The following CKMT2 variants were observed in gnomAD, a reference collection of about 807,000 sequenced individuals.
The protein encoded by CKMT2 is creatine kinase S-type, mitochondrial.
Under a neutral mutation model 48.9 loss-of-function variants are expected in CKMT2, and 43 were observed. The ratio of observed to expected loss-of-function variants is 0.88; its 90% CI spans 0.69 to 1.13. The LOEUF (loss-of-function observed/expected upper bound fraction) is 1.13, where lower values mean the gene tolerates loss of function less well. Ranked by LOEUF, CKMT2 falls within the 50% of genes most tolerant of loss-of-function variation. The pLI, the probability that CKMT2 is intolerant of heterozygous loss-of-function variation, is 0.00. For missense variants in CKMT2, 472 were observed against 555.4 expected, an observed-to-expected ratio of 0.85 and a Z score of 1.51; for synonymous variants, 206 against 213.0, an observed-to-expected ratio of 0.97 and a Z score of 0.29.
At chr5:81,245,645 G>C (rs1283958508) in intron 1 of CKMT2, among the ~76,000 whole-genome samples, 1 of 152,156 alleles carries the variant, frequency 6.6e-6, no homozygotes, top group Non-Finnish European at 1.5e-5. Flanking sequence ...GCAGAAATGG[G>C]GCCTGATGGC....
chr5:81,251,084 C>G (rs2112802666), intron 1 of CKMT2, 29 bp from the exon 2 acceptor site: 2 of 1,594,408 alleles, frequency 1.3e-6, no homozygotes, highest in South Asian at 2.2e-5. Context: ...TCCTATGAAG[C>G]TATCTAATCC....
intron 6 of CKMT2, among the ~76,000 whole-genome samples, chr5:81,257,387 C>T (rs540374114): frequency 2.3e-4 from 35 of 152,128 alleles, no homozygotes; most frequent in African/African-American, 8.4e-4. Flanking sequence ...TTTTAGAGCA[C>T]AAGATTTTGG....
chr5:81,235,273 C>T (rs148635972), intron 1 of CKMT2, among the ~76,000 whole-genome samples: 1 of 152,116 alleles, frequency 6.6e-6, no homozygotes, highest in African/African-American at 2.4e-5. Context: ...AGGTTGGCTG[C>T]GTACTAAGTG....
chr5:81,251,130 A>G lies in CKMT2; in HGVS notation c.-3A>G. ...CTTTCCAGACACTCATCCAAGAGGA[A>G]GGATGGCCAGTATCTTTTCTAAGTT... On this transcript the variant is annotated 5_prime_UTR_variant, in exon 2 of 10. Coordinates refer to ENST00000254035, the MANE Select transcript of CKMT2 (RefSeq NM_001099735.2). 1 of 1,613,720 alleles carries G rather than the reference A, an allele frequency of 6.2e-7. No individual in the cohort carries two copies. Among genetic ancestry groups the G allele is most frequent in the South Asian group, 1.1e-5 (1 of 91,072 alleles).
At chr5:81,251,316 G>A (rs767191068) in intron 2 of CKMT2, 32 bp downstream of exon 2, 1 of 1,609,914 alleles carries the variant, frequency 6.2e-7, no homozygotes, top group South Asian at 1.1e-5. Flanking sequence ...ATAACCTCAG[G>A]CCAGGCACGG....
intron 1 of CKMT2, 103 bp from the exon 2 acceptor site, chr5:81,251,010 A>C: frequency 5.4e-6 from 4 of 742,804 alleles, no homozygotes; most frequent in South Asian, 3.4e-5. Context: ...GAGACACCGG[A>C]AAGAGAGGCT....
intron 5 of CKMT2, among the ~76,000 whole-genome samples, 171 bp downstream of exon 5, chr5:81,255,385 C>T (rs1004984651): frequency 8.5e-5 from 13 of 152,308 alleles, no homozygotes; most frequent in African/African-American, 2.6e-4. Flanking sequence ...GGAAGAAAGA[C>T]GAGGCCACAC....
intron 7 of CKMT2, among the ~76,000 whole-genome samples, chr5:81,258,572 C>T (rs189381994): frequency 9.2e-5 from 14 of 152,226 alleles, no homozygotes; most frequent in Admixed American, 7.8e-4. Context: ...GTCCTCAACC[C>T]CGGGGCCACG....
chr5:81,245,982 C>A (rs533267242), intron 1 of CKMT2, among the ~76,000 whole-genome samples: 46 of 152,248 alleles, frequency 3.0e-4, no homozygotes, highest in African/African-American at 1.1e-3. Context: ...CACGACCTGT[C>A]AGCACTGCCC....
At chr5:81,249,869 T>C (rs982958543) in intron 1 of CKMT2, among the ~76,000 whole-genome samples, 9 of 152,230 alleles carry the variant, frequency 5.9e-5, no homozygotes, top group Admixed American at 3.9e-4. Context: ...TTGTCATTTC[T>C]TTGTAGGTAA....
At chr5:81,254,890 A>C (rs1756943333) in intron 4 of CKMT2, 103 bp from the exon 5 acceptor site, 2 of 947,946 alleles carry the variant, frequency 2.1e-6, no homozygotes, top group Non-Finnish European at 3.4e-6. Context: ...ACAGTGCCTG[A>C]GGGTCCCCAG....
intron 2 of CKMT2, among the ~76,000 whole-genome samples, chr5:81,251,622 A>G (rs943762038): frequency 6.6e-6 from 1 of 152,124 alleles, no homozygotes; most frequent in Non-Finnish European, 1.5e-5. Flanking sequence ...ACAAAAAAAA[A>G]TCTTCAAAGA....
intron 1 of CKMT2, among the ~76,000 whole-genome samples, chr5:81,234,021 TA>T (rs536455571): frequency 0.026 from 2,383 of 91,846 alleles, 54 homozygotes; most frequent in African/African-American, 0.071. Flanking sequence ...GGAGGTTAAT[TA>T]AAAAAAAAAA....
intron 1 of CKMT2, among the ~76,000 whole-genome samples, chr5:81,235,266 T>G (rs1158174534): frequency 6.6e-6 from 1 of 152,184 alleles, no homozygotes; most frequent in Non-Finnish European, 1.5e-5. Flanking sequence ...CCCATTAAGG[T>G]TGGCTGCGTA....
At chr5:81,250,940 A>ACACACACACACAC in intron 1 of CKMT2, among the ~76,000 whole-genome samples, 173 bp from the exon 2 acceptor site, 1 of 133,078 alleles carries the variant, frequency 7.5e-6, no homozygotes, top group Admixed American at 7.7e-5. Flanking sequence ...AGAAATAGAA[A>ACACACACACACAC]ACACACACAC....
At chr5:81,263,696 G>T in intron 9 of CKMT2, 80 bp downstream of exon 9, 1 of 1,392,950 alleles carries the variant, frequency 7.2e-7, no homozygotes, top group Non-Finnish European at 9.7e-7. Flanking sequence ...CAGCCTAGCC[G>T]TTTTCACAAA....
chr5:81,253,640 G>T (rs964332585), intron 3 of CKMT2, among the ~76,000 whole-genome samples: 1 of 152,140 alleles, frequency 6.6e-6, no homozygotes, highest in Admixed American at 6.5e-5. Context: ...GAATAAACAC[G>T]ACTGGTGGCT....
chr5:81,254,453 AG>A lies in CKMT2; in HGVS notation c.412del (p.Val138Ter). The part of the protein sequence containing the change: ...IKLRHNGYDP[R>X]VMKHTTDLDA... ...ACTAAGACACAACGGCTATGACCCC[AG>A]GGTGATGAAGCACACAACGGATCTG... is the stretch of plus-strand genomic sequence containing the variant. On this transcript the variant is annotated frameshift_variant, in exon 4 of 10. Coordinates refer to ENST00000254035, the MANE Select transcript of CKMT2 (RefSeq NM_001099735.2). LOFTEE classifies it high-confidence loss of function. The A allele has an allele frequency of 3.1e-6, 5 of 1,614,176 alleles. No individual in the cohort carries two copies. Among genetic ancestry groups the A allele is most frequent in the Non-Finnish European group, 4.2e-6 (5 of 1,180,020 alleles).
chr5:81,239,085 T>G (rs1756348228), intron 1 of CKMT2: 1 of 152,160 alleles, frequency 6.6e-6, no homozygotes, highest in East Asian at 1.9e-4. Flanking sequence ...ACGTAATCTT[T>G]GCTGTACACA....
Sources: allele counts gnomAD v4.1 joint callset (sites outside exome capture counted in the v4.1 genomes callset), GRCh38; gene constraint gnomAD v4.1.1; transcripts MANE v1.5; gene names NCBI Gene and HGNC (gene_info 2026-07-23, HGNC 2026-07-21).